The following PXDNL variants were observed in gnomAD, a reference collection of about 807,000 sequenced individuals.
PXDNL encodes peroxidasin like.
Under a neutral mutation model 150.8 loss-of-function variants are expected in PXDNL, and 145 were observed. The observed-to-expected ratio is 0.96, with a 90% confidence interval of 0.84 to 1.10. PXDNL has a LOEUF of 1.10. Among genes scored for constraint, PXDNL ranks in the 50% least tolerant of loss-of-function variants. PXDNL has a pLI of 0.00. For synonymous variants in PXDNL, 757 were observed against 725.7 expected, an observed-to-expected ratio of 1.04 and a Z score of -0.69; for missense variants, 2,087 against 1,873.9, an observed-to-expected ratio of 1.11 and a Z score of -2.10.
chr8:51,498,926 C>G (rs934348120), intron 5 of PXDNL, among the ~76,000 whole-genome samples: 42 of 152,186 alleles, frequency 2.8e-4, no homozygotes, highest in African/African-American at 9.4e-4. Flanking sequence ...GAATATACAA[C>G]AGCTTATTTC....
chr8:51,699,653 T>C (rs1474017454), intron 1 of PXDNL, among the ~76,000 whole-genome samples: 1 of 152,236 alleles, frequency 6.6e-6, no homozygotes, highest in African/African-American at 2.4e-5. Context: ...GCTTTCCACA[T>C]GCCTTCCTCA....
chr8:51,796,070 A>G (rs922508678), intron 1 of PXDNL, among the ~76,000 whole-genome samples: 2 of 152,210 alleles, frequency 1.3e-5, no homozygotes, highest in Non-Finnish European at 2.9e-5. Context: ...TCCTTACTAA[A>G]GCTATGCAAA....
intron 1 of PXDNL, among the ~76,000 whole-genome samples, chr8:51,792,816 G>T (rs2037525983): frequency 6.6e-6 from 1 of 152,206 alleles, no homozygotes; most frequent in Admixed American, 6.5e-5. Flanking sequence ...TTGGGTTTAG[G>T]GACAGCACTC....
At chr8:51,717,840 G>C (rs1046100942) in intron 1 of PXDNL, among the ~76,000 whole-genome samples, 2 of 152,224 alleles carry the variant, frequency 1.3e-5, no homozygotes, top group Admixed American at 1.3e-4. Flanking sequence ...TGGCAAAAGG[G>C]AACGAGAATG....
At chr8:51,619,173 A>G (rs1814187612) in intron 2 of PXDNL, among the ~76,000 whole-genome samples, 1 of 152,152 alleles carries the variant, frequency 6.6e-6, no homozygotes, top group Non-Finnish European at 1.5e-5. Context: ...GTGGACATAG[A>G]AACTAGAATT....
rs73678908 is a variant in PXDNL at position 51,536,421 on chromosome 8, G to A, written c.380+20419C>T. Among the ~76,000 whole-genome samples the A allele has an allele frequency of 5.4e-3, 820 of 152,330 alleles. 4 individuals are homozygous for A. The highest frequency in any genetic ancestry group is 0.018 in the African/African-American group (769 of 41,568). The stretch of plus-strand genomic sequence containing the variant: ...GGAAGAAAAAGAACAGTAGCTAAAC[G>A]GGAATGTTGGCTCAAGAATGGGCTT... On this transcript the variant is annotated intron_variant, in intron 4 of 22. Transcript: ENST00000356297.
chr8:51,751,468 G>A (rs767772523), intron 1 of PXDNL, among the ~76,000 whole-genome samples: 14 of 152,102 alleles, frequency 9.2e-5, no homozygotes, highest in East Asian at 3.8e-4. Flanking sequence ...ATGAATTGGC[G>A]TGTTTATTTT....
At chr8:51,371,765 G>T in intron 19 of PXDNL, 108 bp downstream of exon 19, 2 of 1,031,370 alleles carry the variant, frequency 1.9e-6, no homozygotes, top group Non-Finnish European at 2.8e-6. Context: ...TGTGTTGTTG[G>T]CTTTTTGCGT....
chr8:51,569,622 TA>T (rs2130587954), intron 3 of PXDNL, among the ~76,000 whole-genome samples: 1 of 152,114 alleles, frequency 6.6e-6, no homozygotes, highest in South Asian at 2.1e-4. Flanking sequence ...AACATTAACT[TA>T]AAATTTTTGG....
At chr8:51,642,783 T>C (rs1814801467) in intron 2 of PXDNL, among the ~76,000 whole-genome samples, 2 of 152,244 alleles carry the variant, frequency 1.3e-5, no homozygotes, top group Non-Finnish European at 2.9e-5. Flanking sequence ...GACTGTATAT[T>C]TAGAAAACCC....
intron 4 of PXDNL, among the ~76,000 whole-genome samples, chr8:51,509,755 C>T (rs563005470): frequency 0.22 from 30,851 of 141,316 alleles, 3,648 homozygotes; most frequent in African/African-American, 0.32. Context: ...CACACACACA[C>T]ACACACACAC....
intron 12 of PXDNL, among the ~76,000 whole-genome samples, chr8:51,433,534 T>C (rs1376590822): frequency 1.3e-5 from 2 of 152,130 alleles, no homozygotes; most frequent in Non-Finnish European, 2.9e-5. Flanking sequence ...TTTCCTCTTA[T>C]ATTATCTGCA....
chr8:51,525,349 T>A (rs1298087190), intron 4 of PXDNL, among the ~76,000 whole-genome samples: 1 of 152,100 alleles, frequency 6.6e-6, no homozygotes, highest in East Asian at 1.9e-4. Flanking sequence ...TTAAGAAAAA[T>A]TCAAACGATA....
intron 19 of PXDNL, among the ~76,000 whole-genome samples, chr8:51,363,060 C>G (rs1054683111): frequency 6.6e-6 from 1 of 152,136 alleles, no homozygotes; most frequent in Non-Finnish European, 1.5e-5. Context: ...CAGCTACCAG[C>G]CAGAATCAAG....
chr8:51,778,492 A>G (rs2037379185), intron 1 of PXDNL, among the ~76,000 whole-genome samples: 1 of 152,200 alleles, frequency 6.6e-6, no homozygotes, highest in Non-Finnish European at 1.5e-5. Flanking sequence ...TTTTTAAGAC[A>G]TAATTCGCTA....
chr8:51,628,219 A>G (rs1563488091), intron 2 of PXDNL, among the ~76,000 whole-genome samples: 1 of 152,072 alleles, frequency 6.6e-6, no homozygotes, highest in Non-Finnish European at 1.5e-5. Flanking sequence ...CTCTTGGTTT[A>G]ACACAAACAG....
intron 4 of PXDNL, among the ~76,000 whole-genome samples, chr8:51,547,602 G>A (rs984897390): frequency 5.9e-5 from 9 of 152,092 alleles, no homozygotes; most frequent in East Asian, 3.9e-4. Flanking sequence ...AATGGTTACC[G>A]AAGTCTGGCT....
chr8:51,538,504 G>A (rs1017077403), intron 4 of PXDNL, among the ~76,000 whole-genome samples: 2 of 152,074 alleles, frequency 1.3e-5, no homozygotes, highest in Non-Finnish European at 2.9e-5. Flanking sequence ...AGTGGCTCAC[G>A]CCTGTAATCC....
chr8:51,767,969 T>A (rs944175637), intron 1 of PXDNL, among the ~76,000 whole-genome samples: 1 of 152,240 alleles, frequency 6.6e-6, no homozygotes, highest in East Asian at 1.9e-4. Flanking sequence ...TGACAATCAT[T>A]GTTCTTTGTT....
Sources: gnomAD v4.1 joint callset for allele counts (sites outside exome capture counted in the v4.1 genomes callset) on GRCh38, gnomAD v4.1.1 for gene constraint, MANE v1.5 for transcripts, NCBI Gene and HGNC (gene_info 2026-07-23, HGNC 2026-07-21) for gene names.